Variants in FAF1 observed in about 807,000 individuals in gnomAD.
FAF1 encodes FAS-associated factor 1.
A neutral mutation model predicts 92.5 loss-of-function variants in FAF1; 25 were observed. That is an observed-to-expected ratio of 0.27 (90% CI 0.20 to 0.38). The LOEUF is 0.38. Among genes scored for constraint, FAF1 ranks in the 10% least tolerant of loss-of-function variants. The pLI is 1.00. For missense variants in FAF1, 636 were observed against 793.3 expected (o/e 0.80, Z 2.38); for synonymous variants, 234 against 273.2 (o/e 0.86, Z 1.42).
At chr1:50,821,042 G>A (rs1349676897) in intron 2 of FAF1, among the ~76,000 whole-genome samples, 1 of 152,098 alleles carries the variant, frequency 6.6e-6, no homozygotes, top group Admixed American at 6.5e-5. Flanking sequence ...TCAATGGCAA[G>A]AACCACAATT....
intron 1 of FAF1, among the ~76,000 whole-genome samples, chr1:50,954,169 A>C (rs113836734): frequency 6.6e-6 from 1 of 151,950 alleles, no homozygotes; most frequent in Admixed American, 6.6e-5. Flanking sequence ...GGATGGTCTC[A>C]ATCTCCTGAC....
intron 1 of FAF1, among the ~76,000 whole-genome samples, chr1:50,892,454 C>T (rs1211458905): frequency 6.6e-6 from 1 of 152,200 alleles, no homozygotes. Context: ...GAGCTACAGA[C>T]TAGAGCTGTT....
chr1:50,568,421 GAATT>G (rs775619008), intron 12 of FAF1, among the ~76,000 whole-genome samples: 93 of 152,170 alleles, frequency 6.1e-4, no homozygotes, highest in Non-Finnish European at 8.2e-4. Flanking sequence ...CTGATGTTAG[GAATT>G]ATCTAGATAA....
intron 8 of FAF1, among the ~76,000 whole-genome samples, chr1:50,597,965 T>C (rs1232793574): frequency 6.6e-6 from 1 of 152,178 alleles, no homozygotes; most frequent in Non-Finnish European, 1.5e-5. Context: ...AATTCACTTC[T>C]ACTATTCACT....
rs575057035 is a variant in FAF1, at chr1:50,596,145, T to C, written c.816A>G (p.Ala272=). 3.7e-6 allele frequency: 6 copies of C among 1,613,946 alleles called. No individual in the cohort carries two copies. Among genetic ancestry groups the C allele is most frequent in the South Asian group, 1.1e-5 (1 of 91,066 alleles). ...CTTCTTCCGACTGTTCCCGGGTCTG[T>C]GCAGGTGAAGATCTTCTTCCCACTG... is the stretch of plus-strand genomic sequence containing the variant. The part of the protein sequence containing the change: ...RLTVGRRSSP[A]QTREQSEEQI... The change falls in exon 9 of 19, where the codon GCA becomes GCG. Residue 272 remains alanine, a synonymous_variant. Transcript: ENST00000396153.
intron 8 of FAF1, among the ~76,000 whole-genome samples, chr1:50,617,178 T>A (rs990686003): frequency 6.6e-6 from 1 of 152,206 alleles, no homozygotes; most frequent in Non-Finnish European, 1.5e-5. Context: ...AGTACTATGT[T>A]AAATAGGAGT....
At chr1:50,628,337 G>A (rs1176876270) in intron 8 of FAF1, among the ~76,000 whole-genome samples, 3 of 152,082 alleles carry the variant, frequency 2.0e-5, no homozygotes, top group African/African-American at 7.2e-5. Flanking sequence ...CATATTCATT[G>A]CTCTTTTTCT....
intron 3 of FAF1, among the ~76,000 whole-genome samples, chr1:50,788,587 C>T (rs533688930): frequency 9.2e-5 from 14 of 152,270 alleles, no homozygotes; most frequent in Admixed American, 1.3e-4. Context: ...CTGCTTTCCA[C>T]GGATTATTTT....
At chr1:50,556,178 C>T (rs909919749) in intron 13 of FAF1, among the ~76,000 whole-genome samples, 2 of 140,278 alleles carry the variant, frequency 1.4e-5, no homozygotes, top group Admixed American at 7.8e-5. Flanking sequence ...GCGGAGCTTG[C>T]AGTGAGCCAA....
intron 4 of FAF1, among the ~76,000 whole-genome samples, chr1:50,771,317 C>G (rs965201793): frequency 1.3e-5 from 2 of 152,088 alleles, no homozygotes; most frequent in Non-Finnish European, 2.9e-5. Context: ...AATCACACAA[C>G]CTACAGAATG....
intron 2 of FAF1, among the ~76,000 whole-genome samples, chr1:50,835,711 G>A (rs945198637): frequency 5.3e-5 from 8 of 151,506 alleles, no homozygotes; most frequent in Admixed American, 1.3e-4. Flanking sequence ...GAAAATCATC[G>A]AACACATAGA....
chr1:50,879,065 G>A (rs996855736), intron 1 of FAF1, among the ~76,000 whole-genome samples: 2 of 152,122 alleles, frequency 1.3e-5, no homozygotes, highest in African/African-American at 2.4e-5. Flanking sequence ...GACCAACATG[G>A]TGAAACCCCG....
intron 7 of FAF1, 75 bp from the exon 8 acceptor site, chr1:50,655,603 C>T (rs1228025980): frequency 2.3e-6 from 2 of 879,528 alleles, no homozygotes; most frequent in Middle Eastern, 2.2e-4. Context: ...ATTTATGAGA[C>T]ATACAGTGTA....
intron 12 of FAF1, among the ~76,000 whole-genome samples, chr1:50,574,644 T>C (rs1650624993): frequency 1.3e-5 from 2 of 152,148 alleles, no homozygotes; most frequent in South Asian, 4.1e-4. Flanking sequence ...CATAGCCTAC[T>C]TATATCTACT....
At chr1:50,458,235 A>G (rs1372185988) in intron 18 of FAF1, among the ~76,000 whole-genome samples, 1 of 152,186 alleles carries the variant, frequency 6.6e-6, no homozygotes, top group African/African-American at 2.4e-5. Context: ...AATAATTTTG[A>G]AAAGGTTTAA....
At chr1:50,880,777 A>G (rs982096160) in intron 1 of FAF1, among the ~76,000 whole-genome samples, 2 of 152,236 alleles carry the variant, frequency 1.3e-5, no homozygotes, top group Non-Finnish European at 2.9e-5. Flanking sequence ...GTAGGGCAGA[A>G]CAAAAAGAGA....
At chr1:50,772,063 T>C (rs1439376703) in intron 4 of FAF1, among the ~76,000 whole-genome samples, 4 of 152,186 alleles carry the variant, frequency 2.6e-5, no homozygotes, top group Non-Finnish European at 4.4e-5. Context: ...GTAAGTATAA[T>C]AGTGAAAAAT....
intron 4 of FAF1, among the ~76,000 whole-genome samples, chr1:50,779,455 T>G (rs541122793): frequency 4.6e-5 from 7 of 152,228 alleles, no homozygotes; most frequent in Non-Finnish European, 8.8e-5. Context: ...GACTTGAAAT[T>G]TGAAATTACT....
intron 6 of FAF1, among the ~76,000 whole-genome samples, chr1:50,732,436 T>C (rs1403854635): frequency 6.6e-6 from 1 of 152,202 alleles, no homozygotes; most frequent in African/African-American, 2.4e-5. Flanking sequence ...TATCTTCTTG[T>C]AATTCTGTCC....
Sources: allele counts gnomAD v4.1 joint callset (sites outside exome capture counted in the v4.1 genomes callset), GRCh38; gene constraint gnomAD v4.1.1; transcripts MANE v1.5; gene names NCBI Gene and HGNC (gene_info 2026-07-23, HGNC 2026-07-21).